MARK4: variants seen among roughly 807,000 people sequenced by gnomAD.
MARK4 encodes microtubule affinity regulating kinase 4.
MARK4 carries 19 observed loss-of-function variants against 81.5 expected under a neutral mutation model. That is an observed-to-expected ratio of 0.23 (90% CI 0.16 to 0.34). The LOEUF is 0.34. Ranked by LOEUF, MARK4 falls within the 10% of genes least tolerant of loss-of-function variation. The pLI is 1.00. For missense variants in MARK4, 772 were observed against 1,058.8 expected (o/e 0.73, Z 3.76); for synonymous variants, 436 against 439.0 (o/e 0.99, Z 0.08).
chr19:45,283,921 G>A (rs1050287523), intron 12 of MARK4, among the ~76,000 whole-genome samples: 1 of 151,968 alleles, frequency 6.6e-6, no homozygotes, highest in African/African-American at 2.4e-5. Flanking sequence ...TCTTACTCTG[G>A]GACAGGTACT....
At chr19:45,261,654 C>T (rs1454471618) in intron 2 of MARK4, among the ~76,000 whole-genome samples, 1 of 152,184 alleles carries the variant, frequency 6.6e-6, no homozygotes, top group African/African-American at 2.4e-5. Context: ...TTACTGCAGA[C>T]TGGGTGCGGT....
intron 4 of MARK4, 43 bp from the exon 5 acceptor site, chr19:45,264,641 G>A: frequency 6.3e-7 from 1 of 1,587,228 alleles, no homozygotes; most frequent in Non-Finnish European, 8.6e-7. Flanking sequence ...GTTAGGAGGG[G>A]CCCTTTCTCC....
intron 8 of MARK4, among the ~76,000 whole-genome samples, chr19:45,274,059 C>G (rs1970567264): frequency 6.6e-6 from 1 of 151,532 alleles, no homozygotes; most frequent in South Asian, 2.1e-4. Flanking sequence ...ACCATCCTGG[C>G]TAACACACTG....
At chr19:45,296,564 T>G (rs1398356841) in intron 14 of MARK4, among the ~76,000 whole-genome samples, 2 of 152,230 alleles carry the variant, frequency 1.3e-5, no homozygotes, top group African/African-American at 4.8e-5. Context: ...CATAACCATC[T>G]CTAGCTGCAA....
chr19:45,294,282 G>A, intron 13 of MARK4, 67 bp from the exon 14 acceptor site: 1 of 1,467,592 alleles, frequency 6.8e-7, no homozygotes, highest in Non-Finnish European at 9.5e-7. Context: ...GGCAGAGAAG[G>A]GAAGAGGGAG....
chr19:45,271,751 C>T lies in MARK4; in HGVS notation c.786+43C>T. The T allele has an allele frequency of 1.3e-6, 2 of 1,568,018 alleles. No homozygotes were observed. The highest frequency in any genetic ancestry group is 1.7e-6 in the Non-Finnish European group (2 of 1,146,804). ...GTGCAGGGGCATCAGCCCCTCCCCACAGTCAGGCCCCTATCCCCCCCACAC... is the reference window on the plus strand; with the variant it reads ...GTGCAGGGGCATCAGCCCCTCCCCATAGTCAGGCCCCTATCCCCCCCACAC... On this transcript the variant is annotated intron_variant, in intron 8 of 16. Transcript: ENST00000262891. The surrounding 1 kb of genome is among the most constrained non-coding windows in gnomAD (Gnocchi z 4.1).
At chr19:45,287,317 C>A in intron 12 of MARK4, 130 bp from the exon 13 acceptor site, 1 of 540,924 alleles carries the variant, frequency 1.8e-6, no homozygotes, top group Non-Finnish European at 3.1e-6. Context: ...GTAATTTTGA[C>A]AGATATTGTC....
At chr19:45,286,042 T>TA (rs1323387134) in intron 12 of MARK4, among the ~76,000 whole-genome samples, 10 of 152,132 alleles carry the variant, frequency 6.6e-5, no homozygotes, top group Admixed American at 2.0e-4. Flanking sequence ...CAGCAACTGT[T>TA]ACGGTTTTTT....
At chr19:45,293,269 A>AAAAT (rs924995852) in intron 13 of MARK4, among the ~76,000 whole-genome samples, 36 of 152,306 alleles carry the variant, frequency 2.4e-4, no homozygotes, top group Non-Finnish European at 2.9e-5. Context: ...TCTGTCCAAA[A>AAAAT]AAATAAATAA....
chr19:45,287,383 TC>T, intron 12 of MARK4, 63 bp from the exon 13 acceptor site: 1 of 1,146,230 alleles, frequency 8.7e-7, no homozygotes. Flanking sequence ...GTTCCAACGA[TC>T]CCCCAGAGTC....
intron 10 of MARK4, among the ~76,000 whole-genome samples, chr19:45,279,055 C>CA (rs1274277121): frequency 6.6e-6 from 1 of 151,382 alleles, no homozygotes; most frequent in African/African-American, 2.4e-5. Flanking sequence ...CCTGTCTGTA[C>CA]AAAAAAATAA....
chr19:45,299,952 A>G (rs1384038333), intron 16 of MARK4, 97 bp downstream of exon 16: 2 of 1,195,550 alleles, frequency 1.7e-6, no homozygotes, highest in African/African-American at 1.5e-5. Context: ...CCCCAGTCTC[A>G]TCCTGCAAGG....
intron 1 of MARK4, among the ~76,000 whole-genome samples, chr19:45,253,654 G>T (rs187860924): frequency 6.6e-6 from 1 of 152,300 alleles, no homozygotes; most frequent in Admixed American, 6.5e-5. Flanking sequence ...CCAGCTTGCA[G>T]CCTCAGTTTC....
chr19:45,280,984 T>A (rs1156713870), intron 12 of MARK4, among the ~76,000 whole-genome samples: 2 of 151,894 alleles, frequency 1.3e-5, no homozygotes, highest in Non-Finnish European at 2.9e-5. Flanking sequence ...TCTTGCTTCC[T>A]CTCTGCTTGT....
rs1026544563 is a variant in MARK4, at chr19:45,270,760, C to T, written c.550-712C>T. Among the ~76,000 whole-genome samples the T allele has an allele frequency of 5.3e-5, 8 of 151,972 alleles. No individual in the cohort carries two copies. The South Asian group carries it at 1.3e-3, about 24-fold the overall frequency. ...GACTACTGGCGCACACCACCATGCC[C>T]GGCTAATTTTTATCTTTATGTTTTT... On this transcript the variant is annotated intron_variant, in intron 7 of 16. Coordinates refer to ENST00000262891, the MANE Select transcript of MARK4 (RefSeq NM_001199867.2).
intron 7 of MARK4, 97 bp downstream of exon 7, chr19:45,266,378 A>AT: frequency 8.6e-7 from 1 of 1,164,814 alleles, no homozygotes; most frequent in Admixed American, 1.7e-5. Context: ...CCTCCAGCAA[A>AT]TTCCTCCAGC....
intron 12 of MARK4, among the ~76,000 whole-genome samples, chr19:45,284,386 A>G (rs1259708472): frequency 1.3e-5 from 2 of 148,304 alleles, no homozygotes; most frequent in Non-Finnish European, 3.0e-5. Flanking sequence ...GCAGTGGCGC[A>G]ATCTTGGCTC....
intron 13 of MARK4, among the ~76,000 whole-genome samples, chr19:45,289,239 T>C (rs1180082387): frequency 1.3e-5 from 2 of 151,314 alleles, no homozygotes; most frequent in Non-Finnish European, 2.9e-5. Flanking sequence ...ATACAAAAAT[T>C]AGCTGGCTGT....
chr19:45,262,715 C>T (rs1400458734), intron 2 of MARK4, among the ~76,000 whole-genome samples: 1 of 152,194 alleles, frequency 6.6e-6, no homozygotes, highest in African/African-American at 2.4e-5. Flanking sequence ...CCCTGAGGCC[C>T]TGAGTTCCCC....
Sources: allele counts gnomAD v4.1 joint callset (sites outside exome capture counted in the v4.1 genomes callset), GRCh38; gene constraint gnomAD v4.1.1; non-coding constraint Gnocchi (gnomAD v3.1); transcripts MANE v1.5; gene names NCBI Gene and HGNC (gene_info 2026-07-23, HGNC 2026-07-21).